Variants in ITGB1 observed in about 807,000 individuals in gnomAD.
The protein encoded by ITGB1 is integrin subunit beta 1.
Under a neutral mutation model 86.5 loss-of-function variants are expected in ITGB1, and 24 were observed. The ratio of observed to expected loss-of-function variants is 0.28; its 90% CI spans 0.20 to 0.39. The LOEUF (loss-of-function observed/expected upper bound fraction) is 0.39, where lower values mean the gene tolerates loss of function less well. Ranked by LOEUF, ITGB1 falls within the 10% of genes least tolerant of loss-of-function variation. The pLI is 1.00. For missense variants in ITGB1, 556 were observed against 946.9 expected (o/e 0.59, Z 5.42); for synonymous variants, 323 against 316.8 (o/e 1.02, Z -0.21).
At chr10:32,911,212 C>A (rs1006900516) in intron 13 of ITGB1, among the ~76,000 whole-genome samples, 2 of 152,202 alleles carry the variant, frequency 1.3e-5, no homozygotes, top group Non-Finnish European at 2.9e-5. Context: ...ATTCAATTAT[C>A]TAGCACATTC....
In ITGB1 at chr10:32,949,885, T is replaced by C. The variant is rs188222380; in HGVS notation, c.-1+8260A>G. Among the ~76,000 whole-genome samples, 282 of 152,286 alleles carry C rather than the reference T, an allele frequency of 1.9e-3. 1 individual carries two copies. The highest frequency in any genetic ancestry group is 6.3e-3 in the African/African-American group (260 of 41,572). On this transcript the variant is annotated intron_variant, in intron 1 of 15. Coordinates refer to ENST00000302278, the MANE Select transcript of ITGB1 (RefSeq NM_002211.4). ...AAATTTACAATCTTTAGAAACTTTA[T>C]ATGGACTATCTTTGTAGAAATTAAA... is the stretch of plus-strand genomic sequence containing the variant.
intron 15 of ITGB1, among the ~76,000 whole-genome samples, chr10:32,906,912 A>G (rs2094898084): frequency 6.6e-6 from 1 of 152,212 alleles, no homozygotes; most frequent in African/African-American, 2.4e-5. Context: ...GTCTTTCTAA[A>G]CGCGAAGTTA....
intron 13 of ITGB1, among the ~76,000 whole-genome samples, 178 bp downstream of exon 13, chr10:32,911,269 GT>G (rs1242165499): frequency 3.9e-5 from 6 of 152,136 alleles, no homozygotes; most frequent in African/African-American, 1.4e-4. Context: ...TTCATACCAT[GT>G]AATATATACT....
At chr10:32,956,490 T>C (rs1424469852) in intron 1 of ITGB1, among the ~76,000 whole-genome samples, 1 of 151,990 alleles carries the variant, frequency 6.6e-6, no homozygotes, top group Non-Finnish European at 1.5e-5. Context: ...AGAGGACAGC[T>C]TGAGCCCAGG....
At chr10:32,943,623 C>T (rs1042380100) in intron 1 of ITGB1, among the ~76,000 whole-genome samples, 7 of 151,996 alleles carry the variant, frequency 4.6e-5, no homozygotes, top group Non-Finnish European at 8.8e-5. Flanking sequence ...GAACCTACGA[C>T]AGTTAAGAAT....
chr10:32,947,379 T>C (rs2137261079), intron 1 of ITGB1, among the ~76,000 whole-genome samples: 1 of 150,474 alleles, frequency 6.6e-6, no homozygotes, highest in East Asian at 2.0e-4. Flanking sequence ...CCTCGAATTA[T>C]GGCAAGAACT....
At chr10:32,947,963 G>A (rs1196345173) in intron 1 of ITGB1, among the ~76,000 whole-genome samples, 1 of 151,292 alleles carries the variant, frequency 6.6e-6, no homozygotes, top group Non-Finnish European at 1.5e-5. Context: ...TACAGGAAGC[G>A]CTCAATAACA....
intron 1 of ITGB1, among the ~76,000 whole-genome samples, chr10:32,949,207 T>C (rs964762559): frequency 6.6e-6 from 1 of 152,094 alleles, no homozygotes; most frequent in African/African-American, 2.4e-5. Flanking sequence ...TGAAGAATAA[T>C]AGTGTCTTTG....
intron 2 of ITGB1, among the ~76,000 whole-genome samples, chr10:32,934,083 A>C (rs1003037124): frequency 1.3e-5 from 2 of 152,146 alleles, no homozygotes; most frequent in Non-Finnish European, 1.5e-5. Flanking sequence ...CCTTATAATA[A>C]AACCTAAAAG....
chr10:32,903,155 C>T (rs570311498), intron 15 of ITGB1, among the ~76,000 whole-genome samples: 1 of 151,670 alleles, frequency 6.6e-6, no homozygotes, highest in Non-Finnish European at 1.5e-5. Context: ...AGTTTGAGAT[C>T]AGCCTGGCCA....
chr10:32,935,856 A>T (rs1281543959), intron 1 of ITGB1: 2 of 242,192 alleles, frequency 8.3e-6, no homozygotes, highest in African/African-American at 4.5e-5. Context: ...CTCAAAAAAA[A>T]AATCAGTGTT....
chr10:32,909,126 C>T (rs1265079591), intron 14 of ITGB1, among the ~76,000 whole-genome samples: 1 of 152,144 alleles, frequency 6.6e-6, no homozygotes, highest in African/African-American at 2.4e-5. Flanking sequence ...TGCTTTCAGG[C>T]CTAGCTATAA....
intron 3 of ITGB1, 122 bp downstream of exon 3, chr10:32,932,393 A>C: frequency 1.6e-6 from 1 of 639,090 alleles, no homozygotes; most frequent in Non-Finnish European, 2.8e-6. Flanking sequence ...ATAGCTCCAA[A>C]CCATTAGGTT....
At chr10:32,938,835 C>A (rs553202982) in intron 1 of ITGB1, among the ~76,000 whole-genome samples, 1 of 152,320 alleles carries the variant, frequency 6.6e-6, no homozygotes, top group East Asian at 1.9e-4. Context: ...CAATTAAGAA[C>A]ACAGAAGAGC....
chr10:32,931,095 T>C (rs2094981995), intron 3 of ITGB1, among the ~76,000 whole-genome samples: 1 of 152,134 alleles, frequency 6.6e-6, no homozygotes. Context: ...AACATCATAC[T>C]AATGAGAGTA....
chr10:32,932,797 T>C, intron 2 of ITGB1, 197 bp from the exon 3 acceptor site: 1 of 470,128 alleles, frequency 2.1e-6, no homozygotes, highest in Non-Finnish European at 3.9e-6. Flanking sequence ...TAAATAGGTG[T>C]ATACATGTAT....
At chr10:32,956,274 G>A (rs1195119366) in intron 1 of ITGB1, among the ~76,000 whole-genome samples, 2 of 152,050 alleles carry the variant, frequency 1.3e-5, no homozygotes, top group Non-Finnish European at 2.9e-5. Context: ...GCCAACTGAA[G>A]TTCCTTAATC....
At position 32,901,496 on chromosome 10, in the gene ITGB1, C is replaced by G; in HGVS notation, c.*74G>C. The G allele has an allele frequency of 1.1e-6, 1 of 931,370 alleles. No homozygotes were observed. The highest frequency in any genetic ancestry group is 1.5e-5 in the South Asian group (1 of 65,508). The allele number at this position is 931,370 out of a possible 1,614,324, so 57.7% of individuals were successfully genotyped here. The stretch of plus-strand genomic sequence containing the variant: ...ATGAGTAAAACCATGGCAATATTGC[C>G]CTAAAGCTACCTAACTGTGACTATG... On this transcript the variant is annotated 3_prime_UTR_variant, in exon 16 of 16. Coordinates refer to ENST00000302278, the MANE Select transcript of ITGB1 (RefSeq NM_002211.4).
intron 1 of ITGB1, among the ~76,000 whole-genome samples, chr10:32,942,713 C>G (rs1314593776): frequency 2.1e-5 from 3 of 143,086 alleles, no homozygotes; most frequent in Non-Finnish European, 4.6e-5. Context: ...GAGACAGGGT[C>G]TTGCTCTGTC....
Sources: allele counts gnomAD v4.1 joint callset (sites outside exome capture counted in the v4.1 genomes callset), GRCh38; gene constraint gnomAD v4.1.1; transcripts MANE v1.5; gene names NCBI Gene and HGNC (gene_info 2026-07-23, HGNC 2026-07-21).